The following ZBTB20 variants were observed in gnomAD, a reference collection of about 807,000 sequenced individuals.
ZBTB20 encodes zinc finger and BTB domain containing 20.
ZBTB20 carries 9 observed loss-of-function variants against 56.9 expected under a neutral mutation model. That is an observed-to-expected ratio of 0.16 (90% confidence interval 0.10 to 0.28). ZBTB20 has a LOEUF of 0.28. ZBTB20 is among the 10% of genes least tolerant of loss of function. ZBTB20 has a pLI of 1.00. For missense variants in ZBTB20, 655 were observed against 1,003.0 expected (o/e 0.65, Z 4.69); for synonymous variants, 417 against 420.7 (o/e 0.99, Z 0.11).
chr3:114,698,301 A>G (rs1173801997), intron 5 of ZBTB20, among the ~76,000 whole-genome samples: 1 of 152,144 alleles, frequency 6.6e-6, no homozygotes, highest in Non-Finnish European at 1.5e-5. Context: ...AAACAGCCCA[A>G]TATAGGATAA....
intron 5 of ZBTB20, among the ~76,000 whole-genome samples, chr3:114,745,654 A>C (rs2066984117): frequency 6.6e-6 from 1 of 152,148 alleles, no homozygotes; most frequent in Non-Finnish European, 1.5e-5. Context: ...AAAATATCTC[A>C]CACTTCCAAC....
chr3:114,845,685 A>G (rs966870313), intron 4 of ZBTB20, among the ~76,000 whole-genome samples: 3 of 151,992 alleles, frequency 2.0e-5, no homozygotes, highest in African/African-American at 7.2e-5. Flanking sequence ...TTCATAATTA[A>G]TTTTTCTAAT....
chr3:114,825,195 A>G (rs957740385), intron 4 of ZBTB20, among the ~76,000 whole-genome samples: 3 of 151,894 alleles, frequency 2.0e-5, no homozygotes, highest in African/African-American at 7.2e-5. Context: ...GCTTGATTTT[A>G]GAATTACAGG....
chr3:114,900,355 A>C lies in ZBTB20; in HGVS notation c.-455-13T>G, dbSNP rs1328261011. On this transcript the variant is annotated splice_polypyrimidine_tract_variant and intron_variant, in intron 3 of 11. Transcript: ENST00000675478. The stretch of plus-strand genomic sequence containing the variant: ...CAATTCATCAATTCTGAAATGTAAA[A>C]GAAATATATAAGTAAAAATTAATTT... The C allele has an allele frequency of 1.4e-4, 3 of 20,778 alleles. No individual in the cohort carries two copies. In the East Asian group the frequency reaches 0.052, roughly 358 times the overall value. The allele number at this position is 20,778 out of a possible 1,614,324, so 1.3% of individuals were successfully genotyped here.
Position 115,136,629 on chromosome 3 carries a change from G to A in ZBTB20, c.-703+10590C>T, listed in dbSNP as rs552830537. 7.9e-5 allele frequency among the ~76,000 whole-genome samples: 12 copies of A among 152,140 alleles called. No homozygotes were observed. In the East Asian group the frequency reaches 2.3e-3, roughly 29 times the overall value. The stretch of plus-strand genomic sequence containing the variant: ...ATAAAACTCATCATTACACATATAA[G>A]ACAGAAACAGAGTAATGCATACCCC... On this transcript the variant is annotated intron_variant, in intron 1 of 11. Transcript: ENST00000675478.
intron 2 of ZBTB20, among the ~76,000 whole-genome samples, chr3:115,047,071 T>C (rs868586307): frequency 6.6e-6 from 1 of 152,206 alleles, no homozygotes; most frequent in Non-Finnish European, 1.5e-5. Flanking sequence ...AGGAATTTTA[T>C]CAATACTTTC....
intron 10 of ZBTB20, among the ~76,000 whole-genome samples, chr3:114,372,088 C>T (rs2083085225): frequency 6.6e-6 from 1 of 152,172 alleles, no homozygotes; most frequent in Non-Finnish European, 1.5e-5. Context: ...TGATCCAACT[C>T]TAAGGGCAGT....
At chr3:115,041,021 TG>T (rs1560517707) in intron 2 of ZBTB20, among the ~76,000 whole-genome samples, 1 of 152,200 alleles carries the variant, frequency 6.6e-6, no homozygotes, top group Non-Finnish European at 1.5e-5. Context: ...AATAGACTAC[TG>T]TAAGGGGAAC....
At chr3:114,396,215 A>T (rs2086324464) in intron 7 of ZBTB20, among the ~76,000 whole-genome samples, 1 of 152,176 alleles carries the variant, frequency 6.6e-6, no homozygotes, top group South Asian at 2.1e-4. Flanking sequence ...ATTTGGTATT[A>T]TCAGAGTTTC....
At chr3:114,775,924 T>C (rs1176148214) in intron 5 of ZBTB20, among the ~76,000 whole-genome samples, 2 of 152,150 alleles carry the variant, frequency 1.3e-5, no homozygotes, top group Admixed American at 6.6e-5. Context: ...AAAGAAATTA[T>C]GTAAAATCTA....
At chr3:114,814,007 T>C (rs964963127) in intron 4 of ZBTB20, among the ~76,000 whole-genome samples, 2 of 151,918 alleles carry the variant, frequency 1.3e-5, no homozygotes, top group Non-Finnish European at 2.9e-5. Flanking sequence ...AGTTAATATT[T>C]ATCTTGATAT....
At chr3:114,884,901 C>T (rs1030294480) in intron 4 of ZBTB20, among the ~76,000 whole-genome samples, 2 of 152,160 alleles carry the variant, frequency 1.3e-5, no homozygotes, top group African/African-American at 4.8e-5. Flanking sequence ...CTCTAACAAA[C>T]CCTGGTACCA....
chr3:114,395,521 T>C (rs185427608), intron 7 of ZBTB20, among the ~76,000 whole-genome samples: 99 of 152,274 alleles, frequency 6.5e-4, no homozygotes, highest in African/African-American at 2.4e-3. Context: ...TAAGGAAGTC[T>C]ATTTGACTTT....
chr3:114,464,279 T>A (rs995282051), intron 7 of ZBTB20, among the ~76,000 whole-genome samples: 1 of 152,234 alleles, frequency 6.6e-6, no homozygotes, highest in African/African-American at 2.4e-5. Flanking sequence ...TAAAAAAACA[T>A]ATACATTGGG....
intron 1 of ZBTB20, among the ~76,000 whole-genome samples, chr3:115,133,052 A>C (rs1436895098): frequency 5.3e-5 from 8 of 152,174 alleles, no homozygotes; most frequent in Non-Finnish European, 8.8e-5. Flanking sequence ...TAACAGAATT[A>C]GATATTAAAT....
intron 4 of ZBTB20, among the ~76,000 whole-genome samples, chr3:114,860,059 A>G (rs1446673366): frequency 1.3e-5 from 2 of 152,180 alleles, no homozygotes; most frequent in Non-Finnish European, 2.9e-5. Context: ...CTGTAATCCT[A>G]GCACTTTGGG....
intron 7 of ZBTB20, among the ~76,000 whole-genome samples, chr3:114,470,731 G>A (rs879425895): frequency 3.9e-5 from 6 of 152,026 alleles, no homozygotes; most frequent in Non-Finnish European, 5.9e-5. Flanking sequence ...TGACTCCAAC[G>A]GCTCTGCTTT....
At chr3:115,101,055 A>G (rs1420536689) in intron 1 of ZBTB20, among the ~76,000 whole-genome samples, 1 of 152,258 alleles carries the variant, frequency 6.6e-6, no homozygotes, top group African/African-American at 2.4e-5. Flanking sequence ...AACCTAGAAG[A>G]AGGGAGATTG....
intron 6 of ZBTB20, among the ~76,000 whole-genome samples, chr3:114,530,913 CT>C (rs1192115242): frequency 6.6e-6 from 1 of 152,142 alleles, no homozygotes; most frequent in African/African-American, 2.4e-5. Context: ...TTTGGCTCCT[CT>C]TTCTCATCTA....
Sources: gnomAD v4.1 joint callset for allele counts (sites outside exome capture counted in the v4.1 genomes callset) on GRCh38, gnomAD v4.1.1 for gene constraint, MANE v1.5 for transcripts, NCBI Gene and HGNC (gene_info 2026-07-23, HGNC 2026-07-21) for gene names.